CALN1: variants seen among roughly 807,000 people sequenced by gnomAD.
CALN1 encodes the protein calneuron 1, also known as calcium-binding protein 8.
Under a neutral mutation model 30.6 loss-of-function variants are expected in CALN1, and 17 were observed. That is an observed-to-expected ratio of 0.56 (90% CI 0.38 to 0.83). The LOEUF (loss-of-function observed/expected upper bound fraction) is 0.83. Among genes scored for constraint, CALN1 ranks in the 40% least tolerant of loss-of-function variants. The pLI is 0.00. For synonymous variants in CALN1, 156 were observed against 131.4 expected (o/e 1.19, Z -1.28); for missense variants, 291 against 354.9 (o/e 0.82, Z 1.45).
At chr7:72,045,010 G>C (rs1239044086) in intron 4 of CALN1, among the ~76,000 whole-genome samples, 1 of 152,168 alleles carries the variant, frequency 6.6e-6, no homozygotes, top group African/African-American at 2.4e-5. Context: ...AGGATTAAGA[G>C]GCAAGGAGAT....
chr7:72,270,286 C>A (rs998126415), intron 3 of CALN1, among the ~76,000 whole-genome samples: 1 of 152,066 alleles, frequency 6.6e-6, no homozygotes, highest in African/African-American at 2.4e-5. Flanking sequence ...GGCACCACTG[C>A]ACTCACCAGG....
intron 1 of CALN1, among the ~76,000 whole-genome samples, chr7:72,433,619 T>C (rs1325930067): frequency 6.6e-6 from 1 of 152,128 alleles, no homozygotes; most frequent in African/African-American, 2.4e-5. Context: ...TTGGCTCTGC[T>C]TCCCTACTTC....
At chr7:72,023,610 A>T (rs772443728) in intron 5 of CALN1, 47 bp downstream of exon 5, 7 of 1,409,530 alleles carry the variant, frequency 5.0e-6, no homozygotes, top group Non-Finnish European at 7.0e-6. Context: ...TTAGTCTCAG[A>T]CACATTTACT....
intron 2 of CALN1, among the ~76,000 whole-genome samples, chr7:72,384,405 G>A (rs1266887195): frequency 6.6e-6 from 1 of 152,042 alleles, no homozygotes; most frequent in Non-Finnish European, 1.5e-5. Context: ...CCTTTAAAAA[G>A]GTAAAGAAGA....
chr7:72,201,209 A>G (rs1211756590), intron 3 of CALN1, among the ~76,000 whole-genome samples: 1 of 152,226 alleles, frequency 6.6e-6, no homozygotes, highest in Non-Finnish European at 1.5e-5. Context: ...CTCACTTATA[A>G]GTAAGAACTA....
intron 2 of CALN1, among the ~76,000 whole-genome samples, chr7:72,388,163 T>C (rs906228194): frequency 1.3e-5 from 2 of 152,206 alleles, no homozygotes; most frequent in African/African-American, 2.4e-5. Flanking sequence ...GTGATGAATA[T>C]GCTAATTACC....
intron 5 of CALN1, among the ~76,000 whole-genome samples, chr7:71,997,870 G>C (rs1245974871): frequency 6.6e-6 from 1 of 152,028 alleles, no homozygotes; most frequent in African/African-American, 2.4e-5. Context: ...CCCCTGGCTG[G>C]AGTGCAATGG....
chr7:71,793,508 C>G (rs537943400), intron 6 of CALN1, among the ~76,000 whole-genome samples: 2 of 152,302 alleles, frequency 1.3e-5, no homozygotes, highest in African/African-American at 4.8e-5. Context: ...TCATGATTCT[C>G]TGTGTGACTT....
intron 5 of CALN1, among the ~76,000 whole-genome samples, chr7:71,878,697 T>C (rs1267787587): frequency 6.6e-6 from 1 of 152,100 alleles, no homozygotes; most frequent in Non-Finnish European, 1.5e-5. Context: ...AAAATGCCCA[T>C]GAAATGTGAG....
the CALN1 span, among the ~76,000 whole-genome samples, chr7:72,467,493 A>G: frequency 1.3e-5 from 2 of 151,182 alleles, no homozygotes; most frequent in Admixed American, 1.3e-4. Context: ...GCCTTATAAA[A>G]CCTCCAAGAC....
intron 5 of CALN1, among the ~76,000 whole-genome samples, chr7:72,011,037 C>G (rs956656364): frequency 4.0e-5 from 6 of 151,558 alleles, no homozygotes; most frequent in African/African-American, 9.7e-5. Flanking sequence ...CCTGTAGTCC[C>G]AGCTACTTGG....
chr7:71,846,905 T>C (rs1353051804), intron 5 of CALN1, among the ~76,000 whole-genome samples: 1 of 146,612 alleles, frequency 6.8e-6, no homozygotes, highest in Non-Finnish European at 1.5e-5. Flanking sequence ...ATATATAATA[T>C]ATACATACAT....
chr7:72,265,119 G>A (rs997737408), intron 3 of CALN1, among the ~76,000 whole-genome samples: 9 of 152,148 alleles, frequency 5.9e-5, no homozygotes, highest in African/African-American at 1.9e-4. Flanking sequence ...CCACGCCCAA[G>A]CTAAACCAGG....
chr7:71,887,622 A>G (rs777760262), intron 5 of CALN1, among the ~76,000 whole-genome samples: 2 of 152,094 alleles, frequency 1.3e-5, no homozygotes, highest in Non-Finnish European at 2.9e-5. Context: ...ATAGTTTTGG[A>G]AAAGAGCTCT....
Position 72,308,462 on chromosome 7 carries a change from G to T in CALN1, c.120-29652C>A, listed in dbSNP as rs535066455. 4.0e-5 allele frequency among the ~76,000 whole-genome samples: 6 copies of T among 151,448 alleles called. No individual in the cohort carries two copies. In the South Asian group the frequency reaches 1.2e-3, roughly 31 times the overall value. ...AGTACCACCAAAGCTTGAGCTGCTT[G>T]GATGCAATGCCCTCCCAGTGTCAAG... On this transcript the variant is annotated intron_variant, in intron 2 of 6. Transcript: ENST00000395275.
At chr7:72,204,404 ATAT>A (rs916742116) in intron 3 of CALN1, among the ~76,000 whole-genome samples, 3 of 151,942 alleles carry the variant, frequency 2.0e-5, no homozygotes, top group Non-Finnish European at 2.9e-5. Flanking sequence ...ATCTCCAACA[ATAT>A]TATTTTCAAT....
upstream of CALN1, among the ~76,000 whole-genome samples, chr7:72,451,557 G>A (rs749618000): frequency 1.4e-4 from 21 of 152,064 alleles, no homozygotes; most frequent in South Asian, 4.2e-4. Context: ...CCATCACCAG[G>A]GAGTACCCTC....
the CALN1 span, among the ~76,000 whole-genome samples, chr7:72,487,734 A>AAGGAAGGAAGGAAGGAAGGAAGG: frequency 3.5e-5 from 2 of 56,572 alleles, no homozygotes; most frequent in African/African-American, 2.2e-4. Flanking sequence ...AGAAAGAAAG[A>AAGGAAGGAAGGAAGGAAGGAAGG]AAGGAAGGAA....
chr7:72,234,742 G>A (rs879746006), intron 3 of CALN1, among the ~76,000 whole-genome samples: 7 of 151,912 alleles, frequency 4.6e-5, no homozygotes, highest in Non-Finnish European at 7.4e-5. Flanking sequence ...CACCGTGTCC[G>A]GACATGAAGT....
Sources: gnomAD v4.1 joint callset for allele counts (sites outside exome capture counted in the v4.1 genomes callset) on GRCh38, gnomAD v4.1.1 for gene constraint, MANE v1.5 for transcripts, NCBI Gene and HGNC (gene_info 2026-07-23, HGNC 2026-07-21) for gene names.